OTUD7A: variants seen among roughly 807,000 people sequenced by gnomAD.
OTUD7A encodes the protein OTU deubiquitinase 7A.
Under a neutral mutation model 65.7 loss-of-function variants are expected in OTUD7A, and 12 were observed. The observed-to-expected ratio is 0.18, with a 90% confidence interval of 0.12 to 0.30. The LOEUF (loss-of-function observed/expected upper bound fraction) is 0.30, where lower values mean the gene tolerates loss of function less well. Among genes scored for constraint, OTUD7A ranks in the 10% least tolerant of loss-of-function variants. OTUD7A has a pLI of 1.00. For missense variants in OTUD7A, 1,148 were observed against 1,304.8 expected (o/e 0.88, Z 1.85); for synonymous variants, 641 against 586.3 (o/e 1.09, Z -1.35).
intron 1 of OTUD7A, among the ~76,000 whole-genome samples, chr15:31,838,521 C>T (rs1308884332): frequency 2.6e-5 from 4 of 152,246 alleles, no homozygotes; most frequent in South Asian, 2.1e-4. Context: ...GTCTAAGCTG[C>T]CACATCTCTC....
intron 1 of OTUD7A, among the ~76,000 whole-genome samples, chr15:31,772,401 G>A (rs1289809258): frequency 2.0e-5 from 3 of 152,094 alleles, no homozygotes; most frequent in African/African-American, 4.8e-5. Flanking sequence ...ATCCCTGACA[G>A]ATAGTTGGCA....
At chr15:31,749,219 T>C (rs1394061214) in intron 1 of OTUD7A, among the ~76,000 whole-genome samples, 2 of 152,128 alleles carry the variant, frequency 1.3e-5, no homozygotes, top group Non-Finnish European at 2.9e-5. Flanking sequence ...CACACCAACA[T>C]GGCACATGTA....
intron 3 of OTUD7A, among the ~76,000 whole-genome samples, chr15:31,620,626 T>A (rs993505289): frequency 1.5e-5 from 2 of 135,732 alleles, no homozygotes; most frequent in East Asian, 4.1e-4. Flanking sequence ...CCCTTTATCA[T>A]TTTTTATTGT....
intron 1 of OTUD7A, among the ~76,000 whole-genome samples, chr15:31,746,928 G>C (rs767724033): frequency 6.1e-4 from 93 of 152,172 alleles, no homozygotes; most frequent in Non-Finnish European, 1.1e-3. Context: ...TCTGTATCTT[G>C]GTAGGGGTGT....
At chr15:31,776,425 A>AG (rs1256123005) in intron 1 of OTUD7A, among the ~76,000 whole-genome samples, 1 of 152,160 alleles carries the variant, frequency 6.6e-6, no homozygotes, top group African/African-American at 2.4e-5. Context: ...AGCAAGGCAC[A>AG]GGGGCAGCCT....
At chr15:31,561,508 G>A (rs1381920659) in intron 4 of OTUD7A, among the ~76,000 whole-genome samples, 2 of 152,064 alleles carry the variant, frequency 1.3e-5, no homozygotes, top group African/African-American at 4.8e-5. Flanking sequence ...TGTTGTCCAG[G>A]GGCACCCATG....
rs1433717935 is a variant in OTUD7A, at chr15:31,487,312, T to C, written c.1287-34A>G. 5 of 1,610,174 alleles carry C rather than the reference T, an allele frequency of 3.1e-6. No homozygotes were observed. The South Asian group carries it at 3.3e-5, about 11-fold the overall frequency. ...AGAAGAATATCCTATTGAAATGGTCTGAGCTGGCCCTTATAGCACCCAGTC... is the reference window on the plus strand; with the variant it reads ...AGAAGAATATCCTATTGAAATGGTCCGAGCTGGCCCTTATAGCACCCAGTC... On this transcript the variant is annotated intron_variant, in intron 11 of 12. Transcript: ENST00000307050. This position sits in a 1 kb window ranked among gnomAD's most constrained non-coding sequence, Gnocchi z 6.0.
At chr15:31,744,689 C>A (rs1357263755) in intron 1 of OTUD7A, among the ~76,000 whole-genome samples, 3 of 151,748 alleles carry the variant, frequency 2.0e-5, no homozygotes, top group Non-Finnish European at 4.4e-5. Flanking sequence ...AAGATTGTAG[C>A]CAGTGCAATA....
chr15:31,812,033 T>C (rs1259750320), intron 1 of OTUD7A, among the ~76,000 whole-genome samples: 1 of 152,118 alleles, frequency 6.6e-6, no homozygotes, highest in African/African-American at 2.4e-5. Context: ...TTCCCAGGGA[T>C]GGGGCAGGTG....
chr15:31,811,541 G>A (rs541873083), intron 1 of OTUD7A, among the ~76,000 whole-genome samples: 8 of 152,210 alleles, frequency 5.3e-5, no homozygotes, highest in African/African-American at 1.4e-4. Context: ...GTGTGTGTGC[G>A]TATGTGTATG....
intron 1 of OTUD7A, among the ~76,000 whole-genome samples, chr15:31,764,055 C>T (rs536940243): frequency 3.3e-5 from 5 of 152,034 alleles, no homozygotes; most frequent in African/African-American, 4.8e-5. Flanking sequence ...AAGAGTGACA[C>T]GGGAGGGAAA....
Position 31,478,323 on chromosome 15 carries a change from G to A in OTUD7A, c.*4971C>T, listed in dbSNP as rs1011266742. 2.6e-5 allele frequency: 4 copies of A among 151,628 alleles called. No homozygotes were observed. Among genetic ancestry groups the A allele is most frequent in the African/African-American group, 7.3e-5 (3 of 41,350 alleles). The allele number at this position is 151,628 out of a possible 1,614,324, so 9.4% of individuals were successfully genotyped here. The stretch of plus-strand genomic sequence containing the variant: ...CTCTTAAAACCAAATGGTACTCTTC[G>A]CCTTATGTTAAACTAACAAATTATG... On this transcript the variant is annotated 3_prime_UTR_variant, in exon 13 of 13. Transcript: ENST00000307050.
At chr15:31,790,353 C>T (rs1465847062) in intron 1 of OTUD7A, among the ~76,000 whole-genome samples, 1 of 152,228 alleles carries the variant, frequency 6.6e-6, no homozygotes, top group East Asian at 1.9e-4. Context: ...AGGGGCCACA[C>T]TTTGAGAACG....
At chr15:31,653,631 G>T (rs1277232194) in intron 3 of OTUD7A, among the ~76,000 whole-genome samples, 1 of 149,526 alleles carries the variant, frequency 6.7e-6, no homozygotes, top group Non-Finnish European at 1.5e-5. Context: ...AAAGACATCA[G>T]GACAGAGAAT....
chr15:31,680,936 C>T (rs1301304970), intron 1 of OTUD7A, among the ~76,000 whole-genome samples: 1 of 150,370 alleles, frequency 6.7e-6, no homozygotes, highest in Non-Finnish European at 1.5e-5. Context: ...TCCACTTCCC[C>T]ATCAATACAT....
In OTUD7A at chr15:31,592,608, C is replaced by T. The variant is rs148550524; in HGVS notation, c.152-22411G>A. On this transcript the variant is annotated intron_variant, in intron 3 of 12. Coordinates refer to ENST00000307050, the MANE Select transcript of OTUD7A (RefSeq NM_001382637.1). ...AAAAAAATATATAAGTAGGGCCGCGCGGTGGCTCACGCCTGTAATCCCAGC... is the reference window on the plus strand; with the variant it reads ...AAAAAAATATATAAGTAGGGCCGCGTGGTGGCTCACGCCTGTAATCCCAGC... 3.0e-3 allele frequency among the ~76,000 whole-genome samples: 456 copies of T among 151,852 alleles called. 3 individuals are homozygous for T. The highest frequency in any genetic ancestry group is 0.01 in the African/African-American group (424 of 41,384).
rs538774829 is a variant in OTUD7A at position 31,486,784 on chromosome 15, G to C, written c.1371+410C>G. ...CACGGTTTGTAATTAATTCCGCTCT[G>C]CGGCAGCACATTGTGTTCTGATCTT... is the stretch of plus-strand genomic sequence containing the variant. On this transcript the variant is annotated intron_variant, in intron 12 of 12. Transcript: ENST00000307050. 5.2e-5 allele frequency among the ~76,000 whole-genome samples: 8 copies of C among 152,386 alleles called. No homozygotes were observed. The South Asian group carries it at 1.7e-3, about 32-fold the overall frequency.
Position 31,660,776 on chromosome 15 carries a change from T to A in OTUD7A, c.-99-3699A>T, listed in dbSNP as rs7174213. Among the ~76,000 whole-genome samples the A allele has an allele frequency of 2.0e-5, 3 of 152,086 alleles. No individual in the cohort carries two copies. The South Asian group carries it at 6.2e-4, about 31-fold the overall frequency. On this transcript the variant is annotated intron_variant, in intron 1 of 12. Coordinates refer to ENST00000307050, the MANE Select transcript of OTUD7A (RefSeq NM_001382637.1). ...GCTATAGGAATGTCTGTGGGGCACATTGAAGTTCTTCGCATTGTTGCAGGA... is the reference window on the plus strand; with the variant it reads ...GCTATAGGAATGTCTGTGGGGCACAATGAAGTTCTTCGCATTGTTGCAGGA...
chr15:31,527,503 A>G (rs1396955547), intron 6 of OTUD7A, among the ~76,000 whole-genome samples, 195 bp from the exon 7 acceptor site: 1 of 152,240 alleles, frequency 6.6e-6, no homozygotes, highest in African/African-American at 2.4e-5. Flanking sequence ...TAGGTGAATG[A>G]AGCAGCACAT....
Sources: allele counts gnomAD v4.1 joint callset (sites outside exome capture counted in the v4.1 genomes callset), GRCh38; gene constraint gnomAD v4.1.1; non-coding constraint Gnocchi (gnomAD v3.1); transcripts MANE v1.5; gene names NCBI Gene and HGNC (gene_info 2026-07-23, HGNC 2026-07-21).